The following DAAM2 variants were observed in gnomAD, a reference collection of about 807,000 sequenced individuals.
DAAM2 encodes disheveled-associated activator of morphogenesis 2.
In DAAM2, 39 loss-of-function variants were observed where a neutral mutation model predicts 120.7. The observed-to-expected ratio is 0.32, with a 90% CI of 0.25 to 0.42. The LOEUF is 0.42. Ranked by LOEUF, DAAM2 falls within the 10% of genes least tolerant of loss-of-function variation. The pLI is 1.00. For synonymous variants in DAAM2, 488 were observed against 524.9 expected, an observed-to-expected ratio of 0.93 and a Z score of 0.96; for missense variants, 1,283 against 1,401.7, an observed-to-expected ratio of 0.92 and a Z score of 1.35.
chr6:39,861,046 C>T (rs1764189881), intron 3 of DAAM2, 29 bp downstream of exon 3: 1 of 1,567,656 alleles, frequency 6.4e-7, no homozygotes, highest in Admixed American at 1.8e-5. Flanking sequence ...CTGGCCACAT[C>T]TCAGGGTTCA....
chr6:39,812,032 T>C (rs879325618), intron 1 of DAAM2, among the ~76,000 whole-genome samples: 7 of 152,156 alleles, frequency 4.6e-5, no homozygotes, highest in Non-Finnish European at 1.0e-4. Flanking sequence ...AGAATTTGTA[T>C]CTGGGGCATA....
At chr6:39,847,280 G>T (rs957478701) in intron 1 of DAAM2, among the ~76,000 whole-genome samples, 1 of 152,196 alleles carries the variant, frequency 6.6e-6, no homozygotes, top group Non-Finnish European at 1.5e-5. Context: ...CCAGTCCTGG[G>T]CTGTGGAACG....
intron 1 of DAAM2, chr6:39,818,687 G>A: frequency 6.6e-6 from 1 of 152,164 alleles, no homozygotes; most frequent in East Asian, 1.9e-4. Flanking sequence ...TGCATTTAAA[G>A]CCCATTTGTG....
chr6:39,793,694 G>C (rs1175267859), intron 1 of DAAM2, among the ~76,000 whole-genome samples: 1 of 152,084 alleles, frequency 6.6e-6, no homozygotes, highest in Non-Finnish European at 1.5e-5. Context: ...TTTTCCCTAG[G>C]GCCTAGGGCG....
intron 19 of DAAM2, among the ~76,000 whole-genome samples, chr6:39,893,146 G>A (rs1458713006): frequency 6.6e-6 from 1 of 152,244 alleles, no homozygotes; most frequent in Non-Finnish European, 1.5e-5. Flanking sequence ...TTGCCATTTG[G>A]AGATTTGGAA....
At chr6:39,798,047 G>T (rs866318769) in intron 1 of DAAM2, among the ~76,000 whole-genome samples, 36 of 152,326 alleles carry the variant, frequency 2.4e-4, no homozygotes, top group Middle Eastern at 3.4e-3. Context: ...GAGACTGCAT[G>T]GCCTACAAAG....
chr6:39,864,539 C>A lies in DAAM2; in HGVS notation c.333+32C>A, dbSNP rs377234542. ...GGCTGCCCCTCTCCTGCCCTGCCCCCACCTGGAAAGGCTACGGCAGGGAGT... is the reference window on the plus strand; with the variant it reads ...GGCTGCCCCTCTCCTGCCCTGCCCCAACCTGGAAAGGCTACGGCAGGGAGT... On this transcript the variant is annotated intron_variant, in intron 4 of 24. Transcript: ENST00000274867. 4.4e-6 allele frequency: 7 copies of A among 1,574,950 alleles called. No homozygotes were observed. The East Asian group carries it at 1.1e-4, about 26-fold the overall frequency.
Position 39,901,861 on chromosome 6 carries a change from C to G in DAAM2, c.3031C>G (p.Leu1011Val). The G allele has an allele frequency of 1.3e-6, 2 of 1,587,276 alleles. No individual in the cohort carries two copies. Among genetic ancestry groups the G allele is most frequent in the Non-Finnish European group, 1.7e-6 (2 of 1,163,508 alleles). The change falls in exon 25 of 25, where the codon CTG (leucine) becomes GTG (valine). Residue 1011 changes from leucine (L) to valine (V), a missense_variant. Leu to Val is a conservative substitution (Grantham distance 32). Around this residue, in one of 3 missense-constraint regions of DAAM2, gnomAD observed 748 missense variants for 768.6 expected, o/e 0.97. Coordinates refer to ENST00000274867, the MANE Select transcript of DAAM2 (RefSeq NM_001201427.2). The surrounding 1 kb of genome is among the most constrained non-coding windows in gnomAD (Gnocchi z 4.5). ...GCGGTGGCAGCGGCAGCGGAAGGTCCTGGCTGCAGGCAGCTCGCTGGAGGA... is the reference window on the plus strand; with the variant it reads ...GCGGTGGCAGCGGCAGCGGAAGGTCGTGGCTGCAGGCAGCTCGCTGGAGGA... ...RERWQRQRKV[L>V]AAGSSLEEGG...
chr6:39,799,178 C>A (rs1761789423), intron 1 of DAAM2, among the ~76,000 whole-genome samples: 1 of 152,144 alleles, frequency 6.6e-6, no homozygotes, highest in Non-Finnish European at 1.5e-5. Context: ...CCCTCCACAA[C>A]ACTTCTAGGG....
intron 1 of DAAM2, among the ~76,000 whole-genome samples, chr6:39,808,075 CTTTTTTTT>C (rs34459856): frequency 1.4e-5 from 2 of 140,018 alleles, no homozygotes; most frequent in East Asian, 4.2e-4. Flanking sequence ...TGTTTTTGAC[CTTTTTTTT>C]TTTTTTTTCT....
intron 1 of DAAM2, among the ~76,000 whole-genome samples, chr6:39,847,729 T>C (rs1272226027): frequency 1.3e-5 from 2 of 152,044 alleles, no homozygotes; most frequent in Non-Finnish European, 2.9e-5. Context: ...CATTCCCTTC[T>C]ACCCAGACAC....
At chr6:39,809,228 G>T (rs953756624) in intron 1 of DAAM2, among the ~76,000 whole-genome samples, 1 of 152,214 alleles carries the variant, frequency 6.6e-6, no homozygotes, top group African/African-American at 2.4e-5. Context: ...GAGGGACACA[G>T]CCTCTGCCAG....
At position 39,873,215 on chromosome 6, in the gene DAAM2, C is replaced by T. The variant is rs752484413; in HGVS notation, c.1045-23C>T. ...CTTCCTCTGCTGCCTACCCACTGAT[C>T]ACTGTGCCCTCTTCTCTCCCAGGTC... On this transcript the variant is annotated intron_variant, in intron 9 of 24. Coordinates refer to ENST00000274867, the MANE Select transcript of DAAM2 (RefSeq NM_001201427.2). The T allele has an allele frequency of 1.6e-5, 24 of 1,498,028 alleles. No individual in the cohort carries two copies. The South Asian group carries it at 2.7e-4, about 17-fold the overall frequency. The allele number at this position is 1,498,028 out of a possible 1,614,324, so 92.8% of individuals were successfully genotyped here. A position where few individuals can be genotyped will look rare whatever the true frequency, so the allele number is the denominator to read the frequency against.
chr6:39,832,054 G>T, intron 1 of DAAM2, among the ~76,000 whole-genome samples: 1 of 149,320 alleles, frequency 6.7e-6, no homozygotes, highest in Non-Finnish European at 1.5e-5. Flanking sequence ...ACACTGCGGG[G>T]ACAGGTGTAC....
rs1250867428 is a variant in DAAM2 at position 39,824,076 on chromosome 6, A to G, written c.-57+31611A>G. Among the ~76,000 whole-genome samples, 5 of 152,138 alleles carry G rather than the reference A, an allele frequency of 3.3e-5. 1 individual carries two copies. Among genetic ancestry groups the G allele is most frequent in the Admixed American group, 1.3e-4 (2 of 15,278 alleles). ...TTAGGAGTCAGTGAACATTATCTGC[A>G]AAGGTCTTGATAGTAAATATTTCAG... On this transcript the variant is annotated intron_variant, in intron 1 of 24. Coordinates refer to ENST00000274867, the MANE Select transcript of DAAM2 (RefSeq NM_001201427.2).
At chr6:39,881,361 A>G (rs1288817248) in intron 14 of DAAM2, among the ~76,000 whole-genome samples, 2 of 152,238 alleles carry the variant, frequency 1.3e-5, no homozygotes, top group African/African-American at 2.4e-5. Context: ...TGTGACGGGC[A>G]GGTTATGGAA....
intron 1 of DAAM2, among the ~76,000 whole-genome samples, chr6:39,836,810 T>C (rs1763119647): frequency 6.6e-6 from 1 of 152,174 alleles, no homozygotes; most frequent in South Asian, 2.1e-4. Context: ...TCCTTACTAT[T>C]CTATTTACTA....
At chr6:39,837,904 C>T (rs1447612518) in intron 1 of DAAM2, among the ~76,000 whole-genome samples, 2 of 152,136 alleles carry the variant, frequency 1.3e-5, no homozygotes. Flanking sequence ...GTTTGCTGCA[C>T]CAGAATCAAA....
At chr6:39,869,846 A>AT (rs1425599208) in intron 7 of DAAM2, among the ~76,000 whole-genome samples, 1 of 147,102 alleles carries the variant, frequency 6.8e-6, no homozygotes, top group Non-Finnish European at 1.5e-5. Flanking sequence ...TGCCCCTAAG[A>AT]TGCTAACATC....
Sources: gnomAD v4.1 joint callset for allele counts (sites outside exome capture counted in the v4.1 genomes callset) on GRCh38, gnomAD v4.1.1 for gene constraint, gnomAD v4.1.1 regional missense constraint, Gnocchi (gnomAD v3.1) non-coding constraint, MANE v1.5 for transcripts, NCBI Gene and HGNC (gene_info 2026-07-23, HGNC 2026-07-21) for gene names.